The following ADGRA3 variants were observed in gnomAD, a reference collection of about 807,000 sequenced individuals.
The protein encoded by ADGRA3 is G-protein coupled receptor 125.
In ADGRA3, 56 loss-of-function variants were observed where a neutral mutation model predicts 119.8. The observed-to-expected ratio is 0.47, with a 90% CI of 0.38 to 0.58. ADGRA3 has a LOEUF of 0.58. ADGRA3 is among the 20% of genes least tolerant of loss of function. The pLI is 0.00. For missense variants in ADGRA3, 1,516 were observed against 1,649.0 expected, an observed-to-expected ratio of 0.92 and a Z score of 1.40; for synonymous variants, 607 against 623.8, an observed-to-expected ratio of 0.97 and a Z score of 0.40.
intron 5 of ADGRA3, 64 bp from the exon 6 acceptor site, chr4:22,445,197 T>C (rs1716787519): frequency 1.4e-6 from 2 of 1,465,544 alleles, no homozygotes; most frequent in Non-Finnish European, 1.9e-6. Flanking sequence ...TTTTGTTTTA[T>C]ATTGGGTTAC....
At chr4:22,511,971 A>G (rs113698377) in intron 1 of ADGRA3, among the ~76,000 whole-genome samples, 31,678 of 138,510 alleles carry the variant, frequency 0.23, 3,824 homozygotes, top group Middle Eastern at 0.36. Flanking sequence ...ATCTTCACTC[A>G]CTGCAACCTC....
chr4:22,485,356 A>G (rs973733027), intron 1 of ADGRA3, among the ~76,000 whole-genome samples: 2 of 152,148 alleles, frequency 1.3e-5, no homozygotes, highest in African/African-American at 4.8e-5. Flanking sequence ...TACCCGGCCC[A>G]CACCAGAGCT....
Position 22,442,742 on chromosome 4 carries a change from C to T in ADGRA3, c.828G>A (p.Leu276=), listed in dbSNP as rs773889398. 3.7e-6 allele frequency: 6 copies of T among 1,612,386 alleles called. No individual in the cohort carries two copies. Among genetic ancestry groups the T allele is most frequent in the Middle Eastern group, 1.6e-4 (1 of 6,084 alleles). ...CAACTATTCTCCCATCCTGATACCACAACACTTGCATGTCCTGATCAATAT... is the reference window on the plus strand; with the variant it reads ...CAACTATTCTCCCATCCTGATACCATAACACTTGCATGTCCTGATCAATAT... ...ASYIDQDMQV[L]WYQDGRIVET... Residue 276 remains leucine, a synonymous_variant, in exon 7 of 19, where the codon TTG becomes TTA. Coordinates refer to ENST00000334304, the MANE Select transcript of ADGRA3 (RefSeq NM_145290.4).
intron 14 of ADGRA3, among the ~76,000 whole-genome samples, chr4:22,405,416 C>T (rs371081321): frequency 5.9e-5 from 9 of 151,824 alleles, no homozygotes; most frequent in Non-Finnish European, 1.0e-4. Context: ...CATGATGGCG[C>T]GTGCCTGTAA....
chr4:22,467,994 T>A (rs559253548), intron 2 of ADGRA3, among the ~76,000 whole-genome samples: 22 of 152,256 alleles, frequency 1.4e-4, no homozygotes, highest in African/African-American at 4.3e-4. Flanking sequence ...AACCCTCAAC[T>A]CAAAATGGCT....
At chr4:22,442,922 A>G in intron 6 of ADGRA3, 59 bp from the exon 7 acceptor site, 1 of 1,236,066 alleles carries the variant, frequency 8.1e-7, no homozygotes, top group Non-Finnish European at 1.2e-6. Context: ...ACCATAATTA[A>G]AAGTTACAGA....
chr4:22,510,841 C>T (rs530484471), intron 1 of ADGRA3, among the ~76,000 whole-genome samples: 1 of 152,200 alleles, frequency 6.6e-6, no homozygotes, highest in Admixed American at 6.5e-5. Context: ...CAGTCTCCAG[C>T]ACAGGATTTA....
chr4:22,443,490 A>C (rs1299664207), intron 6 of ADGRA3, among the ~76,000 whole-genome samples: 1 of 152,198 alleles, frequency 6.6e-6, no homozygotes, highest in Non-Finnish European at 1.5e-5. Context: ...TTCTACTTTT[A>C]GTAGTACTGT....
At chr4:22,434,159 A>ATAAATATG (rs1716301019) in intron 10 of ADGRA3, among the ~76,000 whole-genome samples, 2 of 145,704 alleles carry the variant, frequency 1.4e-5, no homozygotes, top group African/African-American at 5.1e-5. Flanking sequence ...TATTAGATAC[A>ATAAATATG]TAAATATGTA....
chr4:22,510,915 T>G (rs903746557), intron 1 of ADGRA3, among the ~76,000 whole-genome samples: 2 of 152,230 alleles, frequency 1.3e-5, no homozygotes, highest in African/African-American at 4.8e-5. Flanking sequence ...GTGCAAATCC[T>G]TCCTCCTAAC....
intron 14 of ADGRA3, among the ~76,000 whole-genome samples, chr4:22,404,248 T>TA (rs1002367131): frequency 1.3e-5 from 2 of 148,754 alleles, no homozygotes; most frequent in African/African-American, 2.5e-5. Context: ...AAAGCTAGAT[T>TA]AAAAAAAAGA....
chr4:22,414,418 T>G (rs1429354447), intron 12 of ADGRA3: 1 of 465,624 alleles, frequency 2.1e-6, no homozygotes, highest in Middle Eastern at 5.6e-4. Context: ...ATCACTGAAT[T>G]TTTTCAGATT....
At chr4:22,497,540 T>C (rs1057295244) in intron 1 of ADGRA3, among the ~76,000 whole-genome samples, 1 of 151,996 alleles carries the variant, frequency 6.6e-6, no homozygotes, top group African/African-American at 2.4e-5. Flanking sequence ...AGAGCTCCAG[T>C]GAGGCCGGGC....
intron 14 of ADGRA3, among the ~76,000 whole-genome samples, chr4:22,407,067 C>T (rs1480963049): frequency 6.6e-6 from 1 of 151,992 alleles, no homozygotes; most frequent in Non-Finnish European, 1.5e-5. Flanking sequence ...GTCAGGAGAT[C>T]GAGACCATCC....
At chr4:22,500,005 C>T (rs1022186131) in intron 1 of ADGRA3, among the ~76,000 whole-genome samples, 1 of 152,148 alleles carries the variant, frequency 6.6e-6, no homozygotes, top group African/African-American at 2.4e-5. Flanking sequence ...AATCTAAAAT[C>T]CAAAATGCTC....
At chr4:22,443,037 T>A (rs1257016098) in intron 6 of ADGRA3, 174 bp from the exon 7 acceptor site, 4 of 681,136 alleles carry the variant, frequency 5.9e-6, no homozygotes, top group Admixed American at 4.9e-5. Flanking sequence ...GATAACAGAT[T>A]AAAACAAAAT....
At chr4:22,434,434 G>A (rs1459756058) in intron 10 of ADGRA3, among the ~76,000 whole-genome samples, 2 of 152,060 alleles carry the variant, frequency 1.3e-5, no homozygotes, top group Admixed American at 6.6e-5. Flanking sequence ...CATTGTATGG[G>A]AAGGTGAATG....
intron 1 of ADGRA3, among the ~76,000 whole-genome samples, chr4:22,481,131 G>C (rs1027918733): frequency 2.6e-5 from 4 of 152,136 alleles, no homozygotes; most frequent in Non-Finnish European, 4.4e-5. Context: ...GATTTGGCCT[G>C]TATAATAATA....
At chr4:22,447,557 T>C in intron 4 of ADGRA3, 46 bp from the exon 5 acceptor site, 1 of 1,113,094 alleles carries the variant, frequency 9.0e-7, no homozygotes, top group Non-Finnish European at 1.3e-6. Flanking sequence ...CAATTATCTA[T>C]CATTTTATCC....
Sources: allele counts gnomAD v4.1 joint callset (sites outside exome capture counted in the v4.1 genomes callset), GRCh38; gene constraint gnomAD v4.1.1; transcripts MANE v1.5; gene names NCBI Gene and HGNC (gene_info 2026-07-23, HGNC 2026-07-21).